The following HMGB1 variants were observed in gnomAD, a reference collection of about 807,000 sequenced individuals.
HMGB1 encodes the protein high mobility group box 1, also known as high mobility group protein B1.
For synonymous variants in HMGB1, 81 were observed against 84.0 expected (o/e 0.96, Z 0.19); for missense variants, 79 against 253.5 (o/e 0.31, Z 4.67).
chr13:30,595,161 G>A (rs1871551051), intron 1 of HMGB1, among the ~76,000 whole-genome samples: 1 of 151,826 alleles, frequency 6.6e-6, no homozygotes. Flanking sequence ...CATTTGTTTA[G>A]ATCTTTGTTG....
chr13:30,498,233 T>C (rs1887655862), intron 1 of HMGB1, among the ~76,000 whole-genome samples: 1 of 152,132 alleles, frequency 6.6e-6, no homozygotes, highest in Non-Finnish European at 1.5e-5. Flanking sequence ...AGCAGGACAA[T>C]CACTTAAACT....
intron 1 of HMGB1, among the ~76,000 whole-genome samples, chr13:30,573,650 CTTTTT>C (rs774433276): frequency 2.3e-5 from 3 of 132,408 alleles, no homozygotes; most frequent in Admixed American, 1.5e-4. Flanking sequence ...CTAGCATTTT[CTTTTT>C]TTTTTTTTTT....
intron 1 of HMGB1, among the ~76,000 whole-genome samples, chr13:30,532,106 A>C (rs1053043828): frequency 6.6e-6 from 1 of 152,016 alleles, no homozygotes; most frequent in African/African-American, 2.4e-5. Context: ...TGGGAGGCCG[A>C]GGCGAGCAGA....
intron 1 of HMGB1, among the ~76,000 whole-genome samples, chr13:30,592,173 TAA>T (rs138146680): frequency 2.0e-5 from 3 of 146,808 alleles, no homozygotes; most frequent in African/African-American, 7.7e-5. Context: ...GCCACAAAAT[TAA>T]AAAAAAAACA....
At chr13:30,475,684 A>T (rs1282580659) in intron 1 of HMGB1, among the ~76,000 whole-genome samples, 5 of 152,188 alleles carry the variant, frequency 3.3e-5, no homozygotes, top group Admixed American at 1.3e-4. Context: ...AGCCTGGGCA[A>T]CAGAGAGAGA....
At chr13:30,475,736 A>G (rs1887081422) in intron 1 of HMGB1, among the ~76,000 whole-genome samples, 1 of 152,162 alleles carries the variant, frequency 6.6e-6, no homozygotes, top group South Asian at 2.1e-4. Flanking sequence ...AAAACAGTAG[A>G]AATCTTCACA....
At chr13:30,589,946 G>A (rs1871302469) in intron 1 of HMGB1, among the ~76,000 whole-genome samples, 1 of 151,986 alleles carries the variant, frequency 6.6e-6, no homozygotes, top group Non-Finnish European at 1.5e-5. Context: ...AATGTTTCTT[G>A]CACCTGATAA....
In HMGB1 at chr13:30,584,061, AAGAG is replaced by A. The variant is rs369284323; in HGVS notation, c.-15+32606_-15+32609del. Among the ~76,000 whole-genome samples the A allele has an allele frequency of 3.7e-3, 550 of 149,782 alleles. 1 individual carries two copies. The highest frequency in any genetic ancestry group is 8.5e-3 in the African/African-American group (350 of 41,010). ...CAAAAAGAAAGAAGGAAAGGAAAAG[AAGAG>A]AGAGAGAGAGAGAGGAAGAAAGGAA... is the stretch of plus-strand genomic sequence containing the variant. On this transcript the variant is annotated intron_variant, in intron 1 of 4. Coordinates refer to the HMGB1 transcript ENST00000405805.
intron 1 of HMGB1, among the ~76,000 whole-genome samples, chr13:30,484,222 A>G (rs1273115853): frequency 1.3e-5 from 2 of 152,104 alleles, no homozygotes; most frequent in African/African-American, 4.8e-5. Context: ...CAGGGTCTGT[A>G]CTACCCAGGC....
intron 1 of HMGB1, among the ~76,000 whole-genome samples, chr13:30,473,004 G>A (rs1428285763): frequency 2.0e-5 from 3 of 152,036 alleles, no homozygotes; most frequent in Non-Finnish European, 4.4e-5. Flanking sequence ...TAGTCACCGA[G>A]GTCTATGCTC....
At chr13:30,589,386 G>A (rs574976358) in intron 1 of HMGB1, among the ~76,000 whole-genome samples, 2 of 152,100 alleles carry the variant, frequency 1.3e-5, no homozygotes, top group African/African-American at 4.8e-5. Context: ...GTAAGTGGAG[G>A]GGCTAGAATT....
intron 1 of HMGB1, chr13:30,463,947 C>G: frequency 2.7e-6 from 1 of 375,202 alleles, no homozygotes. Flanking sequence ...TATACCCATA[C>G]AGTATTCCCT....
chr13:30,465,822 T>G lies in HMGB1; in HGVS notation c.-41A>C. 1 of 985,602 alleles carries G rather than the reference T, an allele frequency of 1.0e-6. No individual in the cohort carries two copies. Among genetic ancestry groups the G allele is most frequent in the Non-Finnish European group, 1.2e-6 (1 of 829,752 alleles). The allele number at this position is 985,602 out of a possible 1,614,324, so 61.1% of individuals were successfully genotyped here. A position where few individuals can be genotyped will look rare whatever the true frequency, so the allele number is the denominator to read the frequency against. ...CTCAGCGAGGCACAGAGTCGCCCAGTGCCCGTCCGGCTCTCACTTGCCCCG... is the reference window on the plus strand; with the variant it reads ...CTCAGCGAGGCACAGAGTCGCCCAGGGCCCGTCCGGCTCTCACTTGCCCCG... On this transcript the variant is annotated 5_prime_UTR_variant, in exon 1 of 5. Coordinates refer to ENST00000341423, the MANE Select transcript of HMGB1 (RefSeq NM_002128.7).
At chr13:30,555,716 T>G (rs1333105928) in intron 1 of HMGB1, among the ~76,000 whole-genome samples, 1 of 152,220 alleles carries the variant, frequency 6.6e-6, no homozygotes, top group East Asian at 1.9e-4. Flanking sequence ...ATTCTCAACC[T>G]TTGAATGACA....
At chr13:30,517,658 G>T (rs1888130591) in intron 1 of HMGB1, among the ~76,000 whole-genome samples, 1 of 152,156 alleles carries the variant, frequency 6.6e-6, no homozygotes, top group South Asian at 2.1e-4. Context: ...CAAAGTATTG[G>T]GATTACAGGC....
intron 1 of HMGB1, among the ~76,000 whole-genome samples, chr13:30,572,629 T>C (rs146819473): frequency 2.6e-4 from 40 of 152,344 alleles, no homozygotes; most frequent in African/African-American, 8.7e-4. Flanking sequence ...CTCTTACCAA[T>C]GAACTTTGCT....
At chr13:30,562,049 C>T (rs964696419) in intron 1 of HMGB1, among the ~76,000 whole-genome samples, 1 of 152,152 alleles carries the variant, frequency 6.6e-6, no homozygotes, top group South Asian at 2.1e-4. Context: ...TGGCCGGGCG[C>T]AGTGGCTCAC....
chr13:30,531,810 T>C (rs1566016797), intron 1 of HMGB1, among the ~76,000 whole-genome samples: 1 of 151,570 alleles, frequency 6.6e-6, no homozygotes, highest in Non-Finnish European at 1.5e-5. Context: ...AGCAGGAGAA[T>C]GGCTTGAACC....
At chr13:30,500,029 C>A (rs893958702) in intron 1 of HMGB1, among the ~76,000 whole-genome samples, 5 of 152,116 alleles carry the variant, frequency 3.3e-5, no homozygotes, top group Admixed American at 6.5e-5. Flanking sequence ...GTAGAGCCCT[C>A]AGGTATAAAT....
Sources: allele counts gnomAD v4.1 joint callset (sites outside exome capture counted in the v4.1 genomes callset), GRCh38; gene constraint gnomAD v4.1.1; transcripts MANE v1.5; gene names NCBI Gene and HGNC (gene_info 2026-07-23, HGNC 2026-07-21).